The following CLEC1A variants were observed in gnomAD, a reference collection of about 807,000 sequenced individuals.
CLEC1A encodes C-type lectin-like receptor-1.
A neutral mutation model predicts 28.7 loss-of-function variants in CLEC1A; 34 were observed. The ratio of observed to expected loss-of-function variants is 1.18; its 90% CI spans 0.90 to 1.57. The LOEUF (loss-of-function observed/expected upper bound fraction) is 1.57, where lower values mean the gene tolerates loss of function less well. CLEC1A is among the 40% of genes most tolerant of loss of function. The pLI is 0.00. For missense variants in CLEC1A, 385 were observed against 339.5 expected (o/e 1.13, Z -1.05); for synonymous variants, 116 against 121.0 (o/e 0.96, Z 0.27).
At chr12:10,089,657 C>T (rs921089430) in intron 1 of CLEC1A, among the ~76,000 whole-genome samples, 1 of 151,928 alleles carries the variant, frequency 6.6e-6, no homozygotes, top group African/African-American at 2.4e-5. Flanking sequence ...TTTGTTGTTA[C>T]TTTTGAAAAA....
intron 1 of CLEC1A, among the ~76,000 whole-genome samples, chr12:10,093,474 A>G (rs1415192114): frequency 6.6e-6 from 1 of 151,958 alleles, no homozygotes; most frequent in African/African-American, 2.4e-5. Context: ...CTGTGTAATT[A>G]TATGAAACTT....
At chr12:10,089,251 T>C (rs1399398382) in intron 1 of CLEC1A, 29 bp from the exon 2 acceptor site, 1 of 1,598,642 alleles carries the variant, frequency 6.3e-7, no homozygotes, top group Non-Finnish European at 8.6e-7. Context: ...AAAGCAGAGT[T>C]TGGCTTTTTC....
chr12:10,084,001 T>C (rs1220297841), intron 2 of CLEC1A, among the ~76,000 whole-genome samples: 1 of 52,746 alleles, frequency 1.9e-5, no homozygotes, highest in Non-Finnish European at 6.5e-5. Context: ...ACAAAGATAA[T>C]AGAAAAAAAA....
chr12:10,092,131 AT>A (rs1273509122), intron 1 of CLEC1A, among the ~76,000 whole-genome samples: 2 of 152,214 alleles, frequency 1.3e-5, no homozygotes, highest in Non-Finnish European at 2.9e-5. Context: ...CTTATAATTA[AT>A]ATTTGTCTGG....
At chr12:10,087,908 A>G (rs191109306) in intron 2 of CLEC1A, among the ~76,000 whole-genome samples, 52 of 152,154 alleles carry the variant, frequency 3.4e-4, no homozygotes, top group African/African-American at 1.2e-3. Context: ...ATTAGTTCCT[A>G]ACTTCAGGAA....
At chr12:10,083,165 A>G (rs1866405998) in intron 2 of CLEC1A, among the ~76,000 whole-genome samples, 1 of 152,216 alleles carries the variant, frequency 6.6e-6, no homozygotes, top group Non-Finnish European at 1.5e-5. Flanking sequence ...GAAGGGGGAG[A>G]GCACAACATC....
In CLEC1A at chr12:10,089,367, G is replaced by C. The variant is rs1299430148; in HGVS notation, c.116-145C>G. On this transcript the variant is annotated intron_variant, in intron 1 of 5. Coordinates refer to ENST00000315330, the MANE Select transcript of CLEC1A (RefSeq NM_016511.4). ...ACAGGGGCTGGATAACCTGCTTTCT[G>C]TCCTCAGAAACATCATCATAAGGCT... 20 of 648,088 alleles carry C rather than the reference G, an allele frequency of 3.1e-5. No individual in the cohort carries two copies. In the Middle Eastern group the frequency reaches 1.2e-3, roughly 39 times the overall value. 40.1% of individuals were successfully genotyped at this position (648,088 alleles called of 1,614,324 possible). A position where few individuals can be genotyped will look rare whatever the true frequency, so the allele number is the denominator to read the frequency against.
chr12:10,090,413 G>C (rs1164238112), intron 1 of CLEC1A, among the ~76,000 whole-genome samples: 3 of 152,066 alleles, frequency 2.0e-5, no homozygotes, highest in Non-Finnish European at 1.5e-5. Context: ...ACCACGCCTG[G>C]CTAATTTTTT....
chr12:10,082,425 C>A (rs1181046990), intron 2 of CLEC1A, among the ~76,000 whole-genome samples: 1 of 152,070 alleles, frequency 6.6e-6, no homozygotes, highest in African/African-American at 2.4e-5. Flanking sequence ...CTCCCACTTC[C>A]CTGGTGACCT....
chr12:10,077,148 G>A (rs1866267732), intron 3 of CLEC1A, among the ~76,000 whole-genome samples: 1 of 152,136 alleles, frequency 6.6e-6, no homozygotes, highest in Non-Finnish European at 1.5e-5. Context: ...AAAGGACTGA[G>A]AGCCTTATGT....
At chr12:10,075,335 A>G (rs945898162) in intron 4 of CLEC1A, among the ~76,000 whole-genome samples, 169 bp downstream of exon 4, 1 of 152,188 alleles carries the variant, frequency 6.6e-6, no homozygotes, top group Non-Finnish European at 1.5e-5. Context: ...AACTCCTTCT[A>G]TCTACTTCAG....
chr12:10,077,099 G>C (rs1483054495), intron 3 of CLEC1A, among the ~76,000 whole-genome samples: 3 of 152,134 alleles, frequency 2.0e-5, no homozygotes, highest in Non-Finnish European at 4.4e-5. Context: ...GAATGTTTAG[G>C]AGGAAGCAAG....
At chr12:10,083,273 A>G (rs1313036813) in intron 2 of CLEC1A, among the ~76,000 whole-genome samples, 1 of 152,210 alleles carries the variant, frequency 6.6e-6, no homozygotes. Flanking sequence ...ACAAGGAAAC[A>G]GAAAAATAAT....
intron 2 of CLEC1A, among the ~76,000 whole-genome samples, chr12:10,083,762 C>T (rs1207172904): frequency 1.3e-5 from 2 of 152,084 alleles, no homozygotes; most frequent in East Asian, 3.8e-4. Flanking sequence ...CATGAGCCAC[C>T]ATGTCCGGCC....
intron 3 of CLEC1A, among the ~76,000 whole-genome samples, chr12:10,079,030 T>A (rs1469722583): frequency 6.6e-6 from 1 of 152,208 alleles, no homozygotes; most frequent in African/African-American, 2.4e-5. Flanking sequence ...ATTAACCAAA[T>A]AAAACTCTTT....
intron 5 of CLEC1A, among the ~76,000 whole-genome samples, chr12:10,071,850 A>G (rs1240866545): frequency 1.3e-5 from 2 of 152,252 alleles, no homozygotes; most frequent in East Asian, 1.9e-4. Context: ...TACATCAAAT[A>G]TATCCTGTCT....
rs1356600461 is a variant in CLEC1A, at chr12:10,069,790, A to T, written c.*1543T>A. On this transcript the variant is annotated 3_prime_UTR_variant, in exon 6 of 6. Coordinates refer to ENST00000315330, the MANE Select transcript of CLEC1A (RefSeq NM_016511.4). ...AAGAAAATTTTAAGGAAATCAACAG[A>T]AAATTGAAAGGAAAGTTCTCAAGGA... 1 of 152,340 alleles carries T rather than the reference A, an allele frequency of 6.6e-6. No individual in the cohort carries two copies. The highest frequency in any genetic ancestry group is 1.5e-5 in the Non-Finnish European group (1 of 68,028). The allele number at this position is 152,340 out of a possible 1,614,324, so 9.4% of individuals were successfully genotyped here. A position where few individuals can be genotyped will look rare whatever the true frequency, so the allele number is the denominator to read the frequency against.
chr12:10,092,263 GA>G, intron 1 of CLEC1A, among the ~76,000 whole-genome samples: 1 of 152,244 alleles, frequency 6.6e-6, no homozygotes, highest in South Asian at 2.1e-4. Context: ...CATCACTTTG[GA>G]ATCCTCCCAA....
intron 3 of CLEC1A, 63 bp downstream of exon 3, chr12:10,081,174 G>T: frequency 7.3e-7 from 1 of 1,376,640 alleles, no homozygotes; most frequent in Non-Finnish European, 9.8e-7. Flanking sequence ...CACTTTCACC[G>T]GCGGGAAATC....
Sources: gnomAD v4.1 joint callset for allele counts (sites outside exome capture counted in the v4.1 genomes callset) on GRCh38, gnomAD v4.1.1 for gene constraint, MANE v1.5 for transcripts, NCBI Gene and HGNC (gene_info 2026-07-23, HGNC 2026-07-21) for gene names.